ERBB4: variants seen among roughly 807,000 people sequenced by gnomAD.
ERBB4 encodes the protein receptor tyrosine-protein kinase erbB-4.
A neutral mutation model predicts 158.0 loss-of-function variants in ERBB4; 42 were observed. That is an observed-to-expected ratio of 0.27 (90% CI 0.21 to 0.34). ERBB4 has a LOEUF of 0.34. ERBB4 is among the 10% of genes least tolerant of loss of function. The pLI is 1.00. For synonymous variants in ERBB4, 583 were observed against 558.7 expected, an observed-to-expected ratio of 1.04 and a Z score of -0.61; for missense variants, 1,333 against 1,624.1, an observed-to-expected ratio of 0.82 and a Z score of 3.08.
At chr2:212,161,694 G>A (rs1476893464) in intron 1 of ERBB4, among the ~76,000 whole-genome samples, 1 of 151,804 alleles carries the variant, frequency 6.6e-6, no homozygotes, top group Non-Finnish European at 1.5e-5. Context: ...TATAAGGAAA[G>A]TGCTTATTAT....
chr2:211,385,077 C>T (rs917101746), intron 27 of ERBB4, among the ~76,000 whole-genome samples: 1 of 152,064 alleles, frequency 6.6e-6, no homozygotes, highest in Non-Finnish European at 1.5e-5. Context: ...GGGCACAATT[C>T]TTTGTTGAGA....
chr2:211,751,873 C>T (rs898566760), intron 4 of ERBB4, among the ~76,000 whole-genome samples: 1 of 152,164 alleles, frequency 6.6e-6, no homozygotes, highest in African/African-American at 2.4e-5. Flanking sequence ...TTCAGATTGT[C>T]TACCTTTGAG....
chr2:211,516,042 G>A (rs2066022261), intron 20 of ERBB4, among the ~76,000 whole-genome samples: 1 of 149,282 alleles, frequency 6.7e-6, no homozygotes, highest in African/African-American at 2.5e-5. Context: ...AGCCTCCTGA[G>A]TAGCTGGGAC....
chr2:211,814,615 G>A (rs754916028), intron 3 of ERBB4, among the ~76,000 whole-genome samples: 3 of 151,848 alleles, frequency 2.0e-5, no homozygotes, highest in Non-Finnish European at 4.4e-5. Flanking sequence ...GCATTTTAGC[G>A]AGACAGATAA....
chr2:212,273,304 CAGTT>C (rs1013403731), intron 1 of ERBB4, among the ~76,000 whole-genome samples: 2 of 151,742 alleles, frequency 1.3e-5, no homozygotes, highest in Non-Finnish European at 2.9e-5. Flanking sequence ...CATAATTTCA[CAGTT>C]AGCCCAATTC....
At chr2:212,439,478 A>G (rs886586996) in intron 1 of ERBB4, among the ~76,000 whole-genome samples, 2 of 152,108 alleles carry the variant, frequency 1.3e-5, no homozygotes, top group African/African-American at 4.8e-5. Context: ...AATGGATTCT[A>G]GGATATACCT....
intron 3 of ERBB4, among the ~76,000 whole-genome samples, chr2:211,939,173 T>A (rs1388070322): frequency 6.6e-6 from 1 of 152,184 alleles, no homozygotes; most frequent in Non-Finnish European, 1.5e-5. Context: ...TGTTTACTTT[T>A]TTCAGCCAAT....
At chr2:211,984,949 A>G (rs570856954) in intron 2 of ERBB4, among the ~76,000 whole-genome samples, 153 of 152,070 alleles carry the variant, frequency 1.0e-3, no homozygotes, top group African/African-American at 3.3e-3. Context: ...CCAGGCTGGT[A>G]TCAAACTCCT....
chr2:212,323,131 T>C (rs1342458717), intron 1 of ERBB4, among the ~76,000 whole-genome samples: 1 of 150,640 alleles, frequency 6.6e-6, no homozygotes, highest in African/African-American at 2.4e-5. Context: ...TCACTGTATT[T>C]CCATAACACA....
At chr2:211,675,513 T>C (rs6759054) in intron 13 of ERBB4, among the ~76,000 whole-genome samples, 87,141 of 151,694 alleles carry the variant, frequency 0.57, 26,100 homozygotes, top group African/African-American at 0.71. Flanking sequence ...TGTGTTGTTC[T>C]TAAACTTTCA....
At chr2:212,327,818 C>T (rs1574692486) in intron 1 of ERBB4, among the ~76,000 whole-genome samples, 1 of 136,450 alleles carries the variant, frequency 7.3e-6, no homozygotes, top group Non-Finnish European at 1.5e-5. Context: ...TTGGATTGTA[C>T]ACTTAAAAAG....
chr2:211,861,327 G>C (rs80032458), intron 3 of ERBB4, among the ~76,000 whole-genome samples: 3 of 102,168 alleles, frequency 2.9e-5, no homozygotes, highest in African/African-American at 1.1e-4. Flanking sequence ...GTCCAGGCGT[G>C]TTTTTTTTTT....
At position 212,098,228 on chromosome 2, in the gene ERBB4, T is replaced by G. The variant is rs542417132; in HGVS notation, c.234+26524A>C. 3.9e-5 allele frequency among the ~76,000 whole-genome samples: 6 copies of G among 152,302 alleles called. No homozygotes were observed. In the East Asian group the frequency reaches 9.6e-4, roughly 24 times the overall value. The stretch of plus-strand genomic sequence containing the variant: ...ACAATGTAACTAATTTACATTACAT[T>G]TCTTAAAGAAGACCCCCTCCAACCC... On this transcript the variant is annotated intron_variant, in intron 2 of 27. Transcript: ENST00000342788.
intron 1 of ERBB4, among the ~76,000 whole-genome samples, chr2:212,470,653 G>T (rs1359379928): frequency 6.6e-6 from 1 of 152,098 alleles, no homozygotes; most frequent in Non-Finnish European, 1.5e-5. Context: ...GAAGGAAGAA[G>T]AGTGGTTTCT....
At chr2:211,441,520 T>A (rs1397480585) in intron 20 of ERBB4, among the ~76,000 whole-genome samples, 1 of 152,138 alleles carries the variant, frequency 6.6e-6, no homozygotes, top group African/African-American at 2.4e-5. Context: ...GCCAGGAGCC[T>A]CATAGATGCT....
intron 9 of ERBB4, among the ~76,000 whole-genome samples, chr2:211,711,485 A>C (rs1449572169): frequency 2.6e-5 from 4 of 152,186 alleles, no homozygotes; most frequent in African/African-American, 9.6e-5. Context: ...CAGATAAATC[A>C]CGTTGCAATT....
chr2:212,481,865 T>G (rs1303857787), intron 1 of ERBB4, among the ~76,000 whole-genome samples: 1 of 152,228 alleles, frequency 6.6e-6, no homozygotes, highest in East Asian at 1.9e-4. Flanking sequence ...CAGATTGACA[T>G]ATTGCATGTT....
intron 1 of ERBB4, among the ~76,000 whole-genome samples, chr2:212,257,755 T>C (rs776592281): frequency 2.0e-4 from 30 of 152,168 alleles, no homozygotes; most frequent in Non-Finnish European, 4.0e-4. Context: ...CACTTTGTAA[T>C]ATGTATATAT....
intron 1 of ERBB4, among the ~76,000 whole-genome samples, chr2:212,423,569 T>C (rs554743683): frequency 6.6e-6 from 1 of 152,340 alleles, no homozygotes; most frequent in South Asian, 2.1e-4. Flanking sequence ...ATATAAGTTG[T>C]CTGCTGTATA....
Sources: allele counts gnomAD v4.1 joint callset (sites outside exome capture counted in the v4.1 genomes callset), GRCh38; gene constraint gnomAD v4.1.1; transcripts MANE v1.5; gene names NCBI Gene and HGNC (gene_info 2026-07-23, HGNC 2026-07-21).